The following AFF2 variants were observed in gnomAD, a reference collection of about 807,000 sequenced individuals.
The protein encoded by AFF2 is AF4/FMR2 family member 2.
Under a neutral mutation model 76.9 loss-of-function variants are expected in AFF2, and 14 were observed. That is an observed-to-expected ratio of 0.18 (90% CI 0.12 to 0.28). The LOEUF (loss-of-function observed/expected upper bound fraction) is 0.28, where lower values mean the gene tolerates loss of function less well. Ranked by LOEUF, AFF2 falls within the 10% of genes least tolerant of loss-of-function variation. AFF2 has a pLI of 1.00. For missense variants in AFF2, 868 were observed against 1,001.1 expected, an observed-to-expected ratio of 0.87 and a Z score of 1.79; for synonymous variants, 398 against 366.7, an observed-to-expected ratio of 1.09 and a Z score of -0.98.
intron 7 of AFF2, among the ~76,000 whole-genome samples, chrX:148,852,369 C>T (rs1274104823): frequency 3.0e-5 from 3 of 100,858 alleles, no homozygotes; most frequent in African/African-American, 1.1e-4. Flanking sequence ...CCCTTTTCTC[C>T]ATAACCTCAC....
intron 4 of AFF2, among the ~76,000 whole-genome samples, chrX:148,824,988 C>T (rs782215317): frequency 5.4e-5 from 6 of 111,122 alleles, no homozygotes; most frequent in African/African-American, 2.0e-4. Flanking sequence ...CAGTGAGCCA[C>T]GATCACACCA....
At chrX:148,776,685 G>A (rs782027123) in intron 3 of AFF2, among the ~76,000 whole-genome samples, 13 of 111,259 alleles carry the variant, frequency 1.2e-4, no homozygotes, top group East Asian at 2.8e-4. Flanking sequence ...CCTATACTTC[G>A]CCCACTTTTT....
chrX:148,547,604 C>A (rs1294020824), intron 1 of AFF2, among the ~76,000 whole-genome samples: 1 of 112,121 alleles, frequency 8.9e-6, no homozygotes, highest in African/African-American at 3.2e-5. Context: ...CAAAATTTCT[C>A]TGAGGAAGGG....
rs189269962 is a variant in AFF2 at position 148,750,036 on chromosome X, C to T, written c.1042-59840C>T. On this transcript the variant is annotated intron_variant, in intron 3 of 20. Coordinates refer to ENST00000370460, the MANE Select transcript of AFF2 (RefSeq NM_002025.4). ...AGGCTGGAGTGCAATGGTGAAGTCT[C>T]GGCTCACTGCAACCTCCGTTCCCCG... 2.0e-3 allele frequency among the ~76,000 whole-genome samples: 219 copies of T among 109,181 alleles called. 1 individual carries two copies. Among genetic ancestry groups the T allele is most frequent in the African/African-American group, 7.1e-3 (212 of 29,965 alleles). 94.8% of individuals were successfully genotyped at this position (109,181 alleles called of 115,157 possible).
At chrX:148,849,605 T>C (rs1557275128) in intron 7 of AFF2, among the ~76,000 whole-genome samples, 1 of 111,060 alleles carries the variant, frequency 9.0e-6, no homozygotes, top group Non-Finnish European at 1.9e-5. Flanking sequence ...GCACCGACAA[T>C]GCCAGCAACC....
intron 3 of AFF2, among the ~76,000 whole-genome samples, chrX:148,777,737 TAAG>T (rs1307927388): frequency 1.8e-5 from 2 of 112,442 alleles, no homozygotes; most frequent in Non-Finnish European, 3.8e-5. Flanking sequence ...CTTATCAACT[TAAG>T]AAGATTTTGG....
At chrX:148,893,644 A>G (rs1446972221) in intron 8 of AFF2, among the ~76,000 whole-genome samples, 1 of 112,129 alleles carries the variant, frequency 8.9e-6, no homozygotes, top group African/African-American at 3.2e-5. Context: ...TGGTGAGGGT[A>G]TGTTGTTTGC....
intron 16 of AFF2, among the ~76,000 whole-genome samples, chrX:148,976,065 A>G (rs2072322316): frequency 1.8e-5 from 2 of 110,934 alleles, no homozygotes; most frequent in Admixed American, 1.9e-4. Context: ...TTAGGGAAAA[A>G]AACATGATTT....
chrX:148,530,590 C>T (rs1248992553), intron 1 of AFF2, among the ~76,000 whole-genome samples: 5 of 32,401 alleles, frequency 1.5e-4, no homozygotes, highest in Non-Finnish European at 2.3e-4. Context: ...TGTAAATTTG[C>T]TCCTTTTTTT....
chrX:148,630,170 C>T (rs1266277350), intron 1 of AFF2, among the ~76,000 whole-genome samples: 1 of 110,754 alleles, frequency 9.0e-6, no homozygotes, highest in Admixed American at 9.6e-5. Flanking sequence ...ATGTATTTTC[C>T]GTAGAGACCT....
chrX:148,843,456 C>A, intron 7 of AFF2, 23 bp downstream of exon 7: 1 of 1,191,674 alleles, frequency 8.4e-7, no homozygotes, highest in South Asian at 1.8e-5. Flanking sequence ...ATCTCCAAAT[C>A]AGGCCTTTTT....
At chrX:148,719,115 G>A in intron 3 of AFF2, 1 of 1,120,627 alleles carries the variant, frequency 8.9e-7, no homozygotes. Context: ...CAACCCAGAG[G>A]AAGGTTGCAG....
At chrX:148,650,393 A>G (rs1557256185) in intron 1 of AFF2, among the ~76,000 whole-genome samples, 1 of 111,640 alleles carries the variant, frequency 9.0e-6, no homozygotes. Context: ...TGGACTTGAT[A>G]TCTTCCTTGA....
chrX:148,584,938 A>T (rs1317311845), intron 1 of AFF2, among the ~76,000 whole-genome samples: 2 of 111,651 alleles, frequency 1.8e-5, no homozygotes. Flanking sequence ...AGAACATCAG[A>T]TCTAATTGGA....
chrX:148,883,169 G>A (rs182511903), intron 7 of AFF2, among the ~76,000 whole-genome samples: 41 of 111,673 alleles, frequency 3.7e-4, no homozygotes, highest in Non-Finnish European at 5.3e-4. Flanking sequence ...CTACCTGAAG[G>A]AGAGAAACCG....
chrX:148,889,410 C>T (rs2071197953), intron 8 of AFF2, among the ~76,000 whole-genome samples: 1 of 111,191 alleles, frequency 9.0e-6, no homozygotes, highest in East Asian at 2.8e-4. Flanking sequence ...GAACATGAGT[C>T]CAGAATGGGG....
chrX:148,641,762 G>C (rs1313129441), intron 1 of AFF2, among the ~76,000 whole-genome samples: 1 of 111,478 alleles, frequency 9.0e-6, no homozygotes, highest in Non-Finnish European at 1.9e-5. Flanking sequence ...GCATTCTTTG[G>C]CTTGTAGAAG....
intron 3 of AFF2, among the ~76,000 whole-genome samples, chrX:148,711,517 G>C (rs1377723974): frequency 1.8e-5 from 2 of 111,658 alleles, no homozygotes; most frequent in African/African-American, 6.5e-5. Context: ...ATTTATTCAT[G>C]GGATAAATGT....
At chrX:148,583,186 C>A (rs2124358033) in intron 1 of AFF2, among the ~76,000 whole-genome samples, 1 of 111,388 alleles carries the variant, frequency 9.0e-6, no homozygotes, top group South Asian at 3.7e-4. Flanking sequence ...GGTTATGGTT[C>A]CATAACCTTG....
Sources: gnomAD v4.1 joint callset for allele counts (sites outside exome capture counted in the v4.1 genomes callset) on GRCh38, gnomAD v4.1.1 for gene constraint, MANE v1.5 for transcripts, NCBI Gene and HGNC (gene_info 2026-07-23, HGNC 2026-07-21) for gene names.